Variants in RGS3 observed in about 807,000 individuals in gnomAD.
RGS3 encodes the protein regulator of G protein signaling 3.
In RGS3, 80 loss-of-function variants were observed where a neutral mutation model predicts 132.6. That is an observed-to-expected ratio of 0.60 (90% CI 0.50 to 0.73). The LOEUF is 0.73. RGS3 is among the 30% of genes least tolerant of loss of function. The pLI, the probability that RGS3 is intolerant of heterozygous loss-of-function variation, is 0.00. For missense variants in RGS3, 1,382 were observed against 1,530.8 expected (o/e 0.90, Z 1.62); for synonymous variants, 598 against 620.6 (o/e 0.96, Z 0.54).
At chr9:113,555,881 C>G (rs1449872973) in intron 19 of RGS3, among the ~76,000 whole-genome samples, 1 of 152,218 alleles carries the variant, frequency 6.6e-6, no homozygotes, top group Non-Finnish European at 1.5e-5. Flanking sequence ...CATGGCTTGC[C>G]TCTGTCTCTC....
intron 9 of RGS3, 84 bp downstream of exon 7, chr9:113,497,488 T>A: frequency 9.0e-7 from 1 of 1,116,090 alleles, no homozygotes; most frequent in Non-Finnish European, 1.3e-6. Context: ...TACTGGTATT[T>A]GGTGGCCCCT....
intron 19 of RGS3, among the ~76,000 whole-genome samples, chr9:113,566,610 A>G (rs946521030): frequency 6.6e-6 from 1 of 152,246 alleles, no homozygotes; most frequent in African/African-American, 2.4e-5. Flanking sequence ...AGAACAGGAC[A>G]TGTGGGAAAC....
chr9:113,534,443 G>A (rs74589877), intron 18 of RGS3, among the ~76,000 whole-genome samples: 2,071 of 152,112 alleles, frequency 0.014, 42 homozygotes, highest in African/African-American at 0.048. Context: ...ACACAAAATG[G>A]GGTAGTATTT....
At chr9:113,586,031 C>T (rs1041801788) in intron 20 of RGS3, among the ~76,000 whole-genome samples, 4 of 152,344 alleles carry the variant, frequency 2.6e-5, no homozygotes, top group Non-Finnish European at 2.9e-5. Flanking sequence ...AGTCCCCATA[C>T]CCAGAACTCT....
chr9:113,552,099 A>T (rs1833362684), intron 19 of RGS3, among the ~76,000 whole-genome samples: 3 of 152,192 alleles, frequency 2.0e-5, no homozygotes, highest in Admixed American at 2.0e-4. Flanking sequence ...CTAGGATTAT[A>T]TAATATTCAC....
rs1835396416 is a variant in RGS3, at chr9:113,591,059, T to C, written c.3016-274T>C. Among the ~76,000 whole-genome samples the C allele has an allele frequency of 6.6e-6, 1 of 152,226 alleles. No individual in the cohort carries two copies. Among genetic ancestry groups the C allele is most frequent in the African/African-American group, 2.4e-5 (1 of 41,458 alleles). Reference sequence around the variant, plus strand: ...ACTGCCTGCAATGAAGCCTCTGTCCTGAGTGCCAGCCGTCTGGCTTCTCCC... The same window carrying C: ...ACTGCCTGCAATGAAGCCTCTGTCCCGAGTGCCAGCCGTCTGGCTTCTCCC... On this transcript the variant is annotated intron_variant, in intron 20 of 24. Transcript: ENST00000350696. The surrounding 1 kb of genome is among the most constrained non-coding windows in gnomAD (Gnocchi z 4.4).
chr9:113,514,304 C>T (rs1831542966), intron 14 of RGS3, among the ~76,000 whole-genome samples, 154 bp from the exon 13 acceptor site: 1 of 152,142 alleles, frequency 6.6e-6, no homozygotes, highest in African/African-American at 2.4e-5. Context: ...GTGAAGCCTC[C>T]CTGTGTTTCA....
chr9:113,514,422 G>A (rs749526123), intron 14 of RGS3, 36 bp from the exon 13 acceptor site: 8 of 1,587,456 alleles, frequency 5.0e-6, no homozygotes, highest in Middle Eastern at 1.7e-4. Flanking sequence ...CAGGAGTGAC[G>A]GAAATGTCTC....
At chr9:113,529,683 C>A (rs527820007) in intron 18 of RGS3, among the ~76,000 whole-genome samples, 32 of 152,330 alleles carry the variant, frequency 2.1e-4, no homozygotes, top group Non-Finnish European at 3.7e-4. Flanking sequence ...ACCCCTTGTA[C>A]AGGGTCTTGT....
At chr9:113,574,531 G>A (rs868848445) in intron 19 of RGS3, among the ~76,000 whole-genome samples, 15 of 152,340 alleles carry the variant, frequency 9.8e-5, no homozygotes, top group South Asian at 2.1e-4. Context: ...GGTATTTGCT[G>A]AGTAAGTCTT....
rs957530015 is a variant in RGS3 at position 113,506,739 on chromosome 9, C to T, written c.1085+246C>T. On this transcript the variant is annotated intron_variant, in intron 12 of 24. Coordinates refer to ENST00000350696, the Ensembl canonical transcript of RGS3. This position sits in a 1 kb window ranked among gnomAD's most constrained non-coding sequence, Gnocchi z 4.7. Reference sequence around the variant, plus strand: ...TGCTCTCAGACTCTGTGGTTCAGGACGGGGCACCAGGAGGTTGCTTTCTGC... The same window carrying T: ...TGCTCTCAGACTCTGTGGTTCAGGATGGGGCACCAGGAGGTTGCTTTCTGC... 5.9e-5 allele frequency among the ~76,000 whole-genome samples: 9 copies of T among 152,172 alleles called. No individual in the cohort carries two copies. The highest frequency in any genetic ancestry group is 1.4e-4 in the African/African-American group (6 of 41,456).
intron 7 of RGS3, 83 bp downstream of exon 5, chr9:113,485,776 C>A (rs151259445): frequency 5.5e-5 from 52 of 949,810 alleles, no homozygotes; most frequent in Non-Finnish European, 7.5e-5. Flanking sequence ...ACCAGGGGTT[C>A]GATTAGTGCT....
chr9:113,447,333 A>G lies in RGS3; in HGVS notation c.-13+2406A>G, dbSNP rs1190750361. Among the ~76,000 whole-genome samples the G allele has an allele frequency of 1.1e-4, 8 of 72,928 alleles. No homozygotes were observed. The East Asian group carries it at 1.6e-3, about 14-fold the overall frequency. 47.8% of individuals were successfully genotyped at this position (72,928 alleles called of 152,430 possible). A position where few individuals can be genotyped will look rare whatever the true frequency, so the allele number is the denominator to read the frequency against. ...TAAATTCTGATGTATGTATATGTATATATATATATATATATATATATATAT... is the reference window on the plus strand; with the variant it reads ...TAAATTCTGATGTATGTATATGTATGTATATATATATATATATATATATAT... On this transcript the variant is annotated intron_variant, in intron 1 of 25. Coordinates refer to the RGS3 transcript ENST00000374140.
chr9:113,548,848 G>T (rs1358852632), intron 19 of RGS3, among the ~76,000 whole-genome samples: 4 of 152,130 alleles, frequency 2.6e-5, no homozygotes, highest in African/African-American at 7.2e-5. Flanking sequence ...GCCTTTGGGC[G>T]CACAGAGACT....
At chr9:113,575,846 T>G (rs1451419928) in intron 19 of RGS3, among the ~76,000 whole-genome samples, 2 of 152,230 alleles carry the variant, frequency 1.3e-5, no homozygotes, top group East Asian at 3.8e-4. Context: ...TTCTAAAGTG[T>G]ACTTCTCCGT....
intron 7 of RGS3, among the ~76,000 whole-genome samples, chr9:113,490,398 T>A (rs987381458): frequency 6.6e-6 from 1 of 151,708 alleles, no homozygotes; most frequent in Non-Finnish European, 1.5e-5. Flanking sequence ...TTCTAAAAGA[T>A]GGCTTTAAAA....
At chr9:113,567,789 T>G (rs1472916650) in intron 19 of RGS3, among the ~76,000 whole-genome samples, 2 of 152,206 alleles carry the variant, frequency 1.3e-5, no homozygotes, top group Non-Finnish European at 2.9e-5. Context: ...TTGCACAGAC[T>G]ACAGGGGATT....
At chr9:113,588,592 A>C (rs1198369724) in intron 20 of RGS3, among the ~76,000 whole-genome samples, 3 of 152,222 alleles carry the variant, frequency 2.0e-5, no homozygotes, top group Non-Finnish European at 4.4e-5. Context: ...CACTGAGGGG[A>C]AATATCAGTA....
rs66536651 is a variant in RGS3, at chr9:113,553,441, T to TAAAAA, written c.2037+16538_2037+16542dup. Among the ~76,000 whole-genome samples, 261 of 20,378 alleles carry TAAAAA rather than the reference T, an allele frequency of 0.013. 20 individuals carry two copies. In the East Asian group the frequency reaches 0.22, roughly 17 times the overall value. 13.4% of individuals were successfully genotyped at this position (20,378 alleles called of 152,430 possible). A position where few individuals can be genotyped will look rare whatever the true frequency, so the allele number is the denominator to read the frequency against. ...CTGGGCAACAGAGGGAAACTCTGTT[T>TAAAAA]AAAAAAAAAAAAAAAAAAATATATA... On this transcript the variant is annotated intron_variant, in intron 19 of 24. Coordinates refer to ENST00000350696, the Ensembl canonical transcript of RGS3.
Sources: allele counts gnomAD v4.1 joint callset (sites outside exome capture counted in the v4.1 genomes callset), GRCh38; gene constraint gnomAD v4.1.1; non-coding constraint Gnocchi (gnomAD v3.1); transcripts MANE v1.5; gene names NCBI Gene and HGNC (gene_info 2026-07-23, HGNC 2026-07-21).